Variants in TSBP1 observed in about 807,000 individuals in gnomAD.
The protein encoded by TSBP1 is testis-expressed basic protein 1.
A neutral mutation model predicts 68.8 loss-of-function variants in TSBP1; 56 were observed. That is an observed-to-expected ratio of 0.81 (90% CI 0.66 to 1.02). TSBP1 has a LOEUF of 1.02. Ranked by LOEUF, TSBP1 falls within the 50% of genes least tolerant of loss-of-function variation. TSBP1 has a pLI of 0.00. For missense variants in TSBP1, 502 were observed against 641.2 expected (o/e 0.78, Z 2.34); for synonymous variants, 171 against 208.7 (o/e 0.82, Z 1.56).
intron 8 of TSBP1, among the ~76,000 whole-genome samples, chr6:32,351,312 C>T (rs1346133254): frequency 6.6e-6 from 1 of 152,028 alleles, no homozygotes; most frequent in Non-Finnish European, 1.5e-5. Flanking sequence ...ACATGATGAA[C>T]TTAGGAGCCA....
chr6:32,311,458 C>T (rs1766393572), intron 19 of TSBP1, among the ~76,000 whole-genome samples: 1 of 152,168 alleles, frequency 6.6e-6, no homozygotes, highest in Non-Finnish European at 1.5e-5. Context: ...TTACCCTCCT[C>T]AGCAAACTGA....
chr6:32,355,663 G>T, exon 7 of TSBP1: 2 of 1,586,742 alleles, frequency 1.3e-6, no homozygotes, highest in Middle Eastern at 1.7e-4. Context: ...ATCTCTTTTG[G>T]ATCTCTCTGA....
At chr6:32,360,242 G>T (rs990275721) in intron 6 of TSBP1, among the ~76,000 whole-genome samples, 1 of 151,612 alleles carries the variant, frequency 6.6e-6, no homozygotes, top group Admixed American at 6.6e-5. Context: ...ACTTTTTAAG[G>T]TTCCATATAT....
At chr6:32,294,005 A>G in exon 23 of TSBP1, 19 of 1,611,334 alleles carry the variant, frequency 1.2e-5, no homozygotes, top group Middle Eastern at 1.7e-4. Context: ...TTTTTTTGCA[A>G]GTTCTTCATC....
chr6:32,299,507 G>A lies in TSBP1; in HGVS notation c.637+415C>T, dbSNP rs117305601. ...CAGAAACCAATCTTCCTTTCATTAT[G>A]TTTTCCTGAGAATCAGGGAGGAGAT... On this transcript the variant is annotated intron_variant, in intron 22 of 22. Transcript: ENST00000612031. 3.2e-3 allele frequency among the ~76,000 whole-genome samples: 492 copies of A among 152,296 alleles called. 14 individuals carry two copies. The East Asian group carries it at 0.068, about 21-fold the overall frequency.
At chr6:32,347,005 A>G (rs1240013113) in intron 9 of TSBP1, among the ~76,000 whole-genome samples, 1 of 152,186 alleles carries the variant, frequency 6.6e-6, no homozygotes, top group Non-Finnish European at 1.5e-5. Context: ...TCTTACCACA[A>G]AAAGTATGTG....
exon 23 of TSBP1, chr6:32,293,391 C>T (rs139915493): frequency 9.3e-6 from 15 of 1,612,818 alleles, no homozygotes; most frequent in Admixed American, 1.7e-5. Flanking sequence ...GTCTTCTCTA[C>T]TTGGCCTTCT....
At chr6:32,324,302 G>A (rs1182999028) in intron 16 of TSBP1, 1 of 352,128 alleles carries the variant, frequency 2.8e-6, no homozygotes, top group South Asian at 2.9e-5. Flanking sequence ...AATGAAAAAG[G>A]GTTACAGAAA....
intron 9 of TSBP1, 27 bp from the exon 11 acceptor site, chr6:32,339,665 A>G (rs1164133833): frequency 4.0e-6 from 4 of 1,009,926 alleles, no homozygotes; most frequent in Non-Finnish European, 6.1e-6. Flanking sequence ...AAAGTGTAAC[A>G]TTATTTAGAT....
intron 8 of TSBP1, chr6:32,350,115 TTTCCTCCACCTC>T (rs748051941): frequency 7.0e-6 from 4 of 574,392 alleles, no homozygotes; most frequent in South Asian, 6.1e-5. Flanking sequence ...CTTCTCTACC[TTTCCTCCACCTC>T]TTCCTCTCTC....
At chr6:32,344,982 T>G (rs1770829106) in intron 9 of TSBP1, among the ~76,000 whole-genome samples, 1 of 151,990 alleles carries the variant, frequency 6.6e-6, no homozygotes, top group Non-Finnish European at 1.5e-5. Flanking sequence ...CAGCCTCCCA[T>G]GTAGCTAGGA....
intron 18 of TSBP1, among the ~76,000 whole-genome samples, chr6:32,317,729 G>T (rs566924848): frequency 6.6e-6 from 1 of 152,314 alleles, no homozygotes; most frequent in East Asian, 1.9e-4. Context: ...GATTGTTAGA[G>T]AAATGCAAGT....
Position 32,340,683 on chromosome 6 carries a change from A to T in TSBP1, c.350-1045T>A, listed in dbSNP as rs779900862. 3.9e-5 allele frequency among the ~76,000 whole-genome samples: 6 copies of T among 152,216 alleles called. No individual in the cohort carries two copies. Among genetic ancestry groups the T allele is most frequent in the Non-Finnish European group, 8.8e-5 (6 of 68,038 alleles). On this transcript the variant is annotated intron_variant, in intron 9 of 22. Coordinates refer to ENST00000612031, the Ensembl canonical transcript of TSBP1. The surrounding 1 kb of genome is among the most constrained non-coding windows in gnomAD (Gnocchi z 4.8). ...TGTGAGCTGAGCAGGAAAGAGAATC[A>T]TGATAAATTACTGATTTCTGCCACA...
intron 6 of TSBP1, among the ~76,000 whole-genome samples, chr6:32,362,383 A>T (rs1486499674): frequency 6.6e-6 from 1 of 151,932 alleles, no homozygotes; most frequent in Non-Finnish European, 1.5e-5. Context: ...ATCTGCAGAG[A>T]GTCCCCAGTA....
intron 6 of TSBP1, 139 bp downstream of exon 6, chr6:32,366,028 A>G: frequency 7.6e-7 from 1 of 1,315,800 alleles, no homozygotes; most frequent in Non-Finnish European, 1.1e-6. Flanking sequence ...ACATTTGTGA[A>G]CATTTCTCAG....
chr6:32,371,805 C>T (rs558165181), exon 1 of TSBP1: 2 of 1,421,136 alleles, frequency 1.4e-6, no homozygotes, highest in Admixed American at 1.7e-5. Context: ...TGTTTCTGAG[C>T]AATATGAACT....
At chr6:32,351,856 C>A (rs1031884250) in intron 8 of TSBP1, among the ~76,000 whole-genome samples, 3 of 151,956 alleles carry the variant, frequency 2.0e-5, no homozygotes, top group Non-Finnish European at 4.4e-5. Context: ...TAATTAAATG[C>A]AGAGCACAAA....
At position 32,306,971 on chromosome 6, in the gene TSBP1, G is replaced by A. The variant is rs1582990502; in HGVS notation, c.581-4342C>T. ...TGCTTTCTCTCCACATTTCTATTTT[G>A]TTCCTTGTATTGTTAGTGCTTTTCC... On this transcript the variant is annotated intron_variant, in intron 19 of 22. Transcript: ENST00000612031. The surrounding 1 kb of genome is among the most constrained non-coding windows in gnomAD (Gnocchi z 5.1). Among the ~76,000 whole-genome samples the A allele has an allele frequency of 6.6e-6, 1 of 151,932 alleles. No individual in the cohort carries two copies. Among genetic ancestry groups the A allele is most frequent in the East Asian group, 1.9e-4 (1 of 5,188 alleles).
intron 16 of TSBP1, 22 bp downstream of exon 17, chr6:32,330,567 G>A (rs1768862071): frequency 6.2e-7 from 1 of 1,607,514 alleles, no homozygotes; most frequent in Non-Finnish European, 8.5e-7. Flanking sequence ...CCTGGAGGGA[G>A]AAGGATAGAT....
Sources: gnomAD v4.1 joint callset for allele counts (sites outside exome capture counted in the v4.1 genomes callset) on GRCh38, gnomAD v4.1.1 for gene constraint, Gnocchi (gnomAD v3.1) non-coding constraint, MANE v1.5 for transcripts, NCBI Gene and HGNC (gene_info 2026-07-23, HGNC 2026-07-21) for gene names.